KAZN: variants seen among roughly 807,000 people sequenced by gnomAD.
KAZN encodes the protein kazrin.
KAZN carries 40 observed loss-of-function variants against 87.4 expected under a neutral mutation model. That is an observed-to-expected ratio of 0.46 (90% confidence interval 0.36 to 0.60). The LOEUF (loss-of-function observed/expected upper bound fraction) is 0.60. KAZN is among the 20% of genes least tolerant of loss of function. KAZN has a pLI of 0.00. For missense variants in KAZN, 898 were observed against 1,073.9 expected, an observed-to-expected ratio of 0.84 and a Z score of 2.29; for synonymous variants, 466 against 458.3, an observed-to-expected ratio of 1.02 and a Z score of -0.22.
chr1:14,384,741 C>T (rs928452393), intron 2 of KAZN, among the ~76,000 whole-genome samples: 8 of 151,456 alleles, frequency 5.3e-5, no homozygotes, highest in African/African-American at 1.9e-4. Flanking sequence ...AGGATTTTTG[C>T]ATCAATGTTC....
chr1:14,280,247 A>G (rs1182729772), intron 2 of KAZN, among the ~76,000 whole-genome samples: 1 of 151,786 alleles, frequency 6.6e-6, no homozygotes, highest in Non-Finnish European at 1.5e-5. Context: ...CTGTAGTCCC[A>G]GCTACTCAGG....
rs1553181094 is a variant in KAZN, at chr1:13,981,089, T to TATATATATATA, written c.91+87333_91+87334insATATATATATA. 4.0e-4 allele frequency among the ~76,000 whole-genome samples: 25 copies of TATATATATATA among 63,134 alleles called. 4 individuals are homozygous for TATATATATATA. Among genetic ancestry groups the TATATATATATA allele is most frequent in the Middle Eastern group, 0.014 (1 of 70 alleles). 41.4% of individuals were successfully genotyped at this position (63,134 alleles called of 152,430 possible). A position where few individuals can be genotyped will look rare whatever the true frequency, so the allele number is the denominator to read the frequency against. On this transcript the variant is annotated intron_variant, in intron 1 of 16. Coordinates refer to the KAZN transcript ENST00000636203. ...TTGGAGAGGTATAAAAAATTACTCTTTATATATATATATATATATATGTAT... is the reference window on the plus strand; with the variant it reads ...TTGGAGAGGTATAAAAAATTACTCTTATATATATATATATATATATATATATATATATGTAT...
intron 1 of KAZN, among the ~76,000 whole-genome samples, chr1:14,088,805 T>C (rs1643908804): frequency 6.6e-6 from 1 of 152,056 alleles, no homozygotes; most frequent in South Asian, 2.1e-4. Flanking sequence ...TATACTTTGA[T>C]GTTCTTTTAT....
At chr1:14,077,248 G>C (rs917167157) in intron 1 of KAZN, among the ~76,000 whole-genome samples, 1 of 152,074 alleles carries the variant, frequency 6.6e-6, no homozygotes, top group African/African-American at 2.4e-5. Context: ...CACTGTCACC[G>C]TCCATAGAGT....
chr1:14,240,525 A>T (rs1648843590), intron 2 of KAZN, among the ~76,000 whole-genome samples: 1 of 152,214 alleles, frequency 6.6e-6, no homozygotes, highest in Non-Finnish European at 1.5e-5. Flanking sequence ...GGGGATGATG[A>T]CAACAGCCAG....
At chr1:14,825,365 G>C (rs189839363) in intron 1 of KAZN, among the ~76,000 whole-genome samples, 2 of 152,242 alleles carry the variant, frequency 1.3e-5, no homozygotes, top group East Asian at 1.9e-4. Context: ...TCTTTTTGCT[G>C]TTTTATCTTT....
At chr1:14,379,363 GAAAAGT>G (rs1557675896) in intron 2 of KAZN, among the ~76,000 whole-genome samples, 1 of 151,990 alleles carries the variant, frequency 6.6e-6, no homozygotes, top group East Asian at 1.9e-4. Flanking sequence ...AAAGTAGGGG[GAAAAGT>G]AAACAGGACT....
intron 1 of KAZN, among the ~76,000 whole-genome samples, chr1:13,902,980 C>G (rs533804244): frequency 1.3e-5 from 2 of 152,146 alleles, no homozygotes; most frequent in African/African-American, 2.4e-5. Flanking sequence ...AGGCTCAGCC[C>G]GTGATGGGAA....
chr1:14,598,700 C>A lies in KAZN; in HGVS notation c.-298C>A. ...GCGCGGTGTCCTTCTTGGAGCAGCT[C>A]TCGGCGCCCGCCCGCCGGGGTCTCG... On this transcript the variant is annotated 5_prime_UTR_variant, in exon 1 of 15. Transcript: ENST00000376030. This position sits in a 1 kb window ranked among gnomAD's most constrained non-coding sequence, Gnocchi z 4.2. The A allele has an allele frequency of 7.6e-7, 1 of 1,314,360 alleles. No individual in the cohort carries two copies. The highest frequency in any genetic ancestry group is 9.6e-7 in the Non-Finnish European group (1 of 1,039,852). The allele number at this position is 1,314,360 out of a possible 1,614,324, so 81.4% of individuals were successfully genotyped here. A position where few individuals can be genotyped will look rare whatever the true frequency, so the allele number is the denominator to read the frequency against.
intron 2 of KAZN, among the ~76,000 whole-genome samples, chr1:15,012,359 G>A (rs935235740): frequency 2.0e-5 from 3 of 152,142 alleles, no homozygotes; most frequent in Admixed American, 6.6e-5. Flanking sequence ...AGACCTCAGT[G>A]TTAGAAAAGT....
At chr1:14,972,795 G>A (rs755120530) in intron 2 of KAZN, among the ~76,000 whole-genome samples, 22 of 152,084 alleles carry the variant, frequency 1.4e-4, no homozygotes, top group African/African-American at 5.1e-4. Flanking sequence ...GATTACAGGC[G>A]GGAGCCGCTG....
At chr1:14,154,386 G>A (rs1479418705) in intron 1 of KAZN, among the ~76,000 whole-genome samples, 1 of 152,034 alleles carries the variant, frequency 6.6e-6, no homozygotes, top group Non-Finnish European at 1.5e-5. Context: ...CAATTCTAAT[G>A]GTTTTTTTTG....
intron 2 of KAZN, among the ~76,000 whole-genome samples, chr1:14,449,645 T>C (rs1448987760): frequency 6.6e-6 from 1 of 152,238 alleles, no homozygotes; most frequent in African/African-American, 2.4e-5. Context: ...GGGAAAGAAC[T>C]AGTAAAACCA....
chr1:14,365,283 A>G (rs1438066196), intron 2 of KAZN, among the ~76,000 whole-genome samples: 1 of 150,490 alleles, frequency 6.6e-6, no homozygotes, highest in Non-Finnish European at 1.5e-5. Flanking sequence ...TCCTGACCTC[A>G]TGATCCGCCC....
At chr1:14,663,363 G>A (rs1322081623) in intron 1 of KAZN, among the ~76,000 whole-genome samples, 1 of 152,108 alleles carries the variant, frequency 6.6e-6, no homozygotes, top group Non-Finnish European at 1.5e-5. Context: ...GTTCGCCGGG[G>A]CCACACAGGC....
At chr1:14,975,393 G>A (rs1163745439) in intron 2 of KAZN, among the ~76,000 whole-genome samples, 1 of 152,202 alleles carries the variant, frequency 6.6e-6, no homozygotes, top group East Asian at 1.9e-4. Context: ...CCTGATGTTG[G>A]AGCAGAAGGA....
chr1:14,451,138 A>G (rs1571681290), intron 2 of KAZN, among the ~76,000 whole-genome samples: 1 of 152,084 alleles, frequency 6.6e-6, no homozygotes, highest in Non-Finnish European at 1.5e-5. Context: ...ATGCAGAACC[A>G]CGAGCCAATC....
intron 2 of KAZN, among the ~76,000 whole-genome samples, chr1:14,195,374 A>G (rs888018298): frequency 2.6e-5 from 4 of 152,056 alleles, no homozygotes; most frequent in African/African-American, 4.8e-5. Flanking sequence ...CTTTTTCTCT[A>G]TGTCCAAGTG....
At chr1:14,789,540 G>A (rs1256024454) in intron 1 of KAZN, among the ~76,000 whole-genome samples, 5 of 151,842 alleles carry the variant, frequency 3.3e-5, no homozygotes, top group African/African-American at 9.7e-5. Flanking sequence ...CCCACCAGTC[G>A]GGACCCTTCC....
Sources: gnomAD v4.1 joint callset for allele counts (sites outside exome capture counted in the v4.1 genomes callset) on GRCh38, gnomAD v4.1.1 for gene constraint, Gnocchi (gnomAD v3.1) non-coding constraint, MANE v1.5 for transcripts, NCBI Gene and HGNC (gene_info 2026-07-23, HGNC 2026-07-21) for gene names.